The following ATP9A variants were observed in gnomAD, a reference collection of about 807,000 sequenced individuals.
The protein encoded by ATP9A is ATPase phospholipid transporting 9A.
Under a neutral mutation model 144.1 loss-of-function variants are expected in ATP9A, and 52 were observed. The ratio of observed to expected loss-of-function variants is 0.36; its 90% CI spans 0.29 to 0.45. The LOEUF is 0.45. ATP9A is among the 20% of genes least tolerant of loss of function. ATP9A has a pLI of 1.00. For missense variants in ATP9A, 947 were observed against 1,392.7 expected, an observed-to-expected ratio of 0.68 and a Z score of 5.09; for synonymous variants, 582 against 557.4, an observed-to-expected ratio of 1.04 and a Z score of -0.62.
At chr20:51,606,723 A>C (rs1169284913) in intron 26 of ATP9A, among the ~76,000 whole-genome samples, 4 of 152,052 alleles carry the variant, frequency 2.6e-5, no homozygotes, top group Admixed American at 2.6e-4. Context: ...AAATGAACTG[A>C]TTTGGAAACT....
At chr20:51,754,038 C>G (rs1303779544) in intron 1 of ATP9A, among the ~76,000 whole-genome samples, 4 of 151,976 alleles carry the variant, frequency 2.6e-5, no homozygotes, top group Non-Finnish European at 5.9e-5. Flanking sequence ...AAAGATTAGA[C>G]TTTTTCACTG....
At position 51,690,722 on chromosome 20, in the gene ATP9A, G is replaced by A. The variant is rs2077544719; in HGVS notation, c.723+17C>T. 4 of 1,604,136 alleles carry A rather than the reference G, an allele frequency of 2.5e-6. No individual in the cohort carries two copies. The highest frequency in any genetic ancestry group is 1.7e-5 in the Admixed American group (1 of 60,004). ...CACTCCCGGTGACAGGATCCCATGT[G>A]AAGGAAGCTCACTTACTCGGGTAAA... On this transcript the variant is annotated intron_variant, in intron 8 of 27. Coordinates refer to ENST00000338821, the MANE Select transcript of ATP9A (RefSeq NM_006045.3).
intron 1 of ATP9A, among the ~76,000 whole-genome samples, chr20:51,743,316 C>T (rs780890315): frequency 2.6e-5 from 4 of 151,826 alleles, no homozygotes; most frequent in Non-Finnish European, 5.9e-5. Flanking sequence ...GAAACTGGAC[C>T]GTCTGACACT....
intron 14 of ATP9A, among the ~76,000 whole-genome samples, chr20:51,651,272 A>AT (rs1189653920): frequency 7.2e-6 from 1 of 139,164 alleles, no homozygotes; most frequent in Non-Finnish European, 1.5e-5. Flanking sequence ...TATATAATAT[A>AT]TATTTACATA....
chr20:51,739,330 C>T (rs1283349083), intron 1 of ATP9A, among the ~76,000 whole-genome samples: 1 of 150,108 alleles, frequency 6.7e-6, no homozygotes, highest in Non-Finnish European at 1.5e-5. Context: ...ATAGAGTTTT[C>T]TTCTATCCTA....
At chr20:51,759,813 G>A (rs1406850657) in intron 1 of ATP9A, among the ~76,000 whole-genome samples, 1 of 152,068 alleles carries the variant, frequency 6.6e-6, no homozygotes, top group Non-Finnish European at 1.5e-5. Context: ...ATATACAATT[G>A]ATCCTCATAA....
At position 51,656,935 on chromosome 20, in the gene ATP9A, T is replaced by C; in HGVS notation, c.1506+3A>G. ...ATGCCTTGCTGCACCTGCCCAGGTTTACCTCATCGGGGCTGGATGCCTGGT... is the reference window on the plus strand; with the variant it reads ...ATGCCTTGCTGCACCTGCCCAGGTTCACCTCATCGGGGCTGGATGCCTGGT... On this transcript the variant is annotated splice_donor_region_variant and intron_variant, in intron 14 of 27. Transcript: ENST00000338821. 2.5e-6 allele frequency: 4 copies of C among 1,613,072 alleles called. No individual in the cohort carries two copies. The highest frequency in any genetic ancestry group is 3.4e-6 in the Non-Finnish European group (4 of 1,179,684).
chr20:51,679,124 G>A (rs2077489626), intron 9 of ATP9A, among the ~76,000 whole-genome samples: 1 of 152,022 alleles, frequency 6.6e-6, no homozygotes, highest in Non-Finnish European at 1.5e-5. Context: ...AGGAGTTTGA[G>A]ACCAGCCTGG....
intron 7 of ATP9A, among the ~76,000 whole-genome samples, chr20:51,692,184 A>T (rs1465198910): frequency 1.3e-5 from 2 of 152,248 alleles, no homozygotes; most frequent in African/African-American, 2.4e-5. Context: ...TGATGCCTGC[A>T]TGACAACGTC....
Position 51,598,635 on chromosome 20 carries a change from T to C in ATP9A, c.*2576A>G, listed in dbSNP as rs1376653254. 1 of 152,144 alleles carries C rather than the reference T, an allele frequency of 6.6e-6. No homozygotes were observed. Among genetic ancestry groups the C allele is most frequent in the Admixed American group, 6.5e-5 (1 of 15,278 alleles). The allele number at this position is 152,144 out of a possible 1,614,324, so 9.4% of individuals were successfully genotyped here. On this transcript the variant is annotated 3_prime_UTR_variant, in exon 28 of 28. Transcript: ENST00000338821. ...CTTCCCCACCACAACTAAGATGACC[T>C]CCGAGAAGTACCCAGGCGCCCCTGG...
chr20:51,728,417 A>C (rs2077725118), intron 2 of ATP9A, among the ~76,000 whole-genome samples: 1 of 152,130 alleles, frequency 6.6e-6, no homozygotes, highest in African/African-American at 2.4e-5. Context: ...ACCTGAGGTC[A>C]GGAGTTCGAG....
intron 27 of ATP9A, 140 bp downstream of exon 27, chr20:51,604,676 TG>T: frequency 1.4e-6 from 1 of 697,230 alleles, no homozygotes; most frequent in Non-Finnish European, 2.1e-6. Context: ...TAAGAAAACG[TG>T]GACAGCTGAG....
intron 16 of ATP9A, among the ~76,000 whole-genome samples, chr20:51,628,701 C>G (rs867376064): frequency 2.6e-5 from 4 of 152,226 alleles, no homozygotes; most frequent in Non-Finnish European, 5.9e-5. Flanking sequence ...ATGGATCCTG[C>G]CCTGGTCAAG....
intron 15 of ATP9A, among the ~76,000 whole-genome samples, chr20:51,632,687 A>G (rs2077274566): frequency 6.6e-6 from 1 of 152,210 alleles, no homozygotes; most frequent in African/African-American, 2.4e-5. Context: ...GAACTAGTCC[A>G]AAAGCCCCAG....
At chr20:51,628,007 A>G (rs187980069) in intron 16 of ATP9A, among the ~76,000 whole-genome samples, 1 of 152,256 alleles carries the variant, frequency 6.6e-6, no homozygotes. Context: ...GCATCTGACA[A>G]AACCAGGTGC....
intron 9 of ATP9A, among the ~76,000 whole-genome samples, chr20:51,682,368 C>G (rs1292525850): frequency 1.3e-5 from 2 of 152,010 alleles, no homozygotes; most frequent in Non-Finnish European, 2.9e-5. Flanking sequence ...AAATGAAGTA[C>G]GTCCTATTCA....
intron 24 of ATP9A, 143 bp downstream of exon 24, chr20:51,609,958 A>G (rs1601053936): frequency 5.8e-6 from 4 of 684,238 alleles, no homozygotes. Flanking sequence ...GTTCTAAACC[A>G]TGGTGCTGGG....
intron 6 of ATP9A, 127 bp from the exon 7 acceptor site, chr20:51,694,229 C>T (rs1225427791): frequency 3.1e-6 from 2 of 637,002 alleles, no homozygotes; most frequent in Non-Finnish European, 2.8e-6. Context: ...AGAGAAAATA[C>T]ATATCCTATC....
intron 22 of ATP9A, among the ~76,000 whole-genome samples, chr20:51,616,990 G>A (rs940183661): frequency 6.8e-6 from 1 of 147,532 alleles, no homozygotes; most frequent in Admixed American, 6.8e-5. Context: ...TGCCCAGGCT[G>A]GAGTGCAGTG....
Sources: allele counts gnomAD v4.1 joint callset (sites outside exome capture counted in the v4.1 genomes callset), GRCh38; gene constraint gnomAD v4.1.1; transcripts MANE v1.5; gene names NCBI Gene and HGNC (gene_info 2026-07-23, HGNC 2026-07-21).